Variants in TRMT1 observed in about 807,000 individuals in gnomAD.
The protein encoded by TRMT1 is tRNA (guanine(26)-N(2))-dimethyltransferase.
Under a neutral mutation model 75.4 loss-of-function variants are expected in TRMT1, and 63 were observed. The ratio of observed to expected loss-of-function variants is 0.84; its 90% confidence interval spans 0.68 to 1.03. The LOEUF (loss-of-function observed/expected upper bound fraction) is 1.03. TRMT1 is among the 50% of genes least tolerant of loss of function. The pLI, the probability that TRMT1 is intolerant of heterozygous loss-of-function variation, is 0.00. For synonymous variants in TRMT1, 382 were observed against 358.1 expected, an observed-to-expected ratio of 1.07 and a Z score of -0.75; for missense variants, 870 against 905.3, an observed-to-expected ratio of 0.96 and a Z score of 0.50.
chr19:13,110,328 C>A, intron 7 of TRMT1, 22 bp from the exon 8 acceptor site: 1 of 1,560,118 alleles, frequency 6.4e-7, no homozygotes, highest in South Asian at 1.2e-5. Flanking sequence ...GGGTGGGTGT[C>A]AGCCTCCCCT....
intron 5 of TRMT1, among the ~76,000 whole-genome samples, chr19:13,113,899 T>G (rs113062028): frequency 8.2e-4 from 125 of 152,142 alleles, no homozygotes; most frequent in Non-Finnish European, 1.4e-3. Flanking sequence ...GGTGAGCCAC[T>G]GCGTCTGACC....
At chr19:13,115,843 A>G (rs1215293991) in intron 3 of TRMT1, 75 bp from the exon 4 acceptor site, 2 of 1,607,186 alleles carry the variant, frequency 1.2e-6, no homozygotes, top group Non-Finnish European at 8.5e-7. Context: ...TCTCCAAAAT[A>G]TCGTCCCTGA....
In TRMT1 at chr19:13,107,583, A is replaced by G; in HGVS notation, c.1574T>C (p.Val525Ala). 6.2e-7 allele frequency: 1 copy of G among 1,604,438 alleles called. No individual in the cohort carries two copies. The highest frequency in any genetic ancestry group is 8.5e-7 in the Non-Finnish European group (1 of 1,174,552). ...ETSPAFRILSVEPRLQANFTI... is the reference protein window; with the variant it reads ...ETSPAFRILSAEPRLQANFTI... ...ATGTGCTTGCCCCTACCTGGGCTCCACACTGAGAATGCGGAACGCTGGGCT... is the reference window on the plus strand; with the variant it reads ...ATGTGCTTGCCCCTACCTGGGCTCCGCACTGAGAATGCGGAACGCTGGGCT... Residue 525 changes from valine (V) to alanine (A), a missense_variant, in exon 14 of 17, where the codon GTG becomes GCG. Transcript: ENST00000357720.
intron 5 of TRMT1, among the ~76,000 whole-genome samples, chr19:13,114,708 G>A (rs1229569731): frequency 6.6e-6 from 1 of 151,860 alleles, no homozygotes; most frequent in African/African-American, 2.4e-5. Flanking sequence ...AGGCGTGGTG[G>A]CACGTGCCTG....
Position 13,105,283 on chromosome 19 carries a change from C to A in TRMT1, c.1817G>T (p.Cys606Phe), listed in dbSNP as rs1458177510. The A allele has an allele frequency of 6.2e-7, 1 of 1,613,718 alleles. No homozygotes were observed. Among genetic ancestry groups the A allele is most frequent in the Non-Finnish European group, 8.5e-7 (1 of 1,179,938 alleles). The change falls in exon 16 of 17, where the codon TGC (cysteine) becomes TTC (phenylalanine). Residue 606 changes from cysteine to phenylalanine, a missense_variant. Coordinates refer to ENST00000357720, the MANE Select transcript of TRMT1 (RefSeq NM_001136035.4). Reference sequence around the variant, plus strand: ...GGACCTCACCTCCTTAAACCTCTTGCAAGGAAATGTCTTGAGCCGGGCAGC... The same window carrying A: ...GGACCTCACCTCCTTAAACCTCTTGAAAGGAAATGTCTTGAGCCGGGCAGC... Reference protein sequence around the residue: ...QRAARLKTFPCKRFKEGTCQR... With the variant: ...QRAARLKTFPFKRFKEGTCQR...
rs773394307 is a variant in TRMT1 at position 13,116,056 on chromosome 19, G to A, written c.255-4C>T. 1.9e-6 allele frequency: 3 copies of A among 1,614,046 alleles called. No homozygotes were observed. Among genetic ancestry groups the A allele is most frequent in the Admixed American group, 3.3e-5 (2 of 60,012 alleles). ...AAACTCGGTGATCACAGCACATCTGGTGGGAGACAGAGGACTAGCTCATAC... is the reference window on the plus strand; with the variant it reads ...AAACTCGGTGATCACAGCACATCTGATGGGAGACAGAGGACTAGCTCATAC... On this transcript the variant is annotated splice_polypyrimidine_tract_variant and splice_region_variant and intron_variant, in intron 2 of 16. Coordinates refer to ENST00000357720, the MANE Select transcript of TRMT1 (RefSeq NM_001136035.4).
chr19:13,113,511 T>C (rs920189077), intron 5 of TRMT1, among the ~76,000 whole-genome samples: 14 of 152,162 alleles, frequency 9.2e-5, no homozygotes, highest in Non-Finnish European at 2.9e-5. Flanking sequence ...AAAAGCACCA[T>C]GTGGAACTCA....
At chr19:13,109,156 A>ATATT (rs1293781694) in intron 12 of TRMT1, among the ~76,000 whole-genome samples, 11 of 150,890 alleles carry the variant, frequency 7.3e-5, no homozygotes, top group Non-Finnish European at 1.5e-4. Flanking sequence ...GTGTACATAT[A>ATATT]TATTTATTTA....
intron 14 of TRMT1, among the ~76,000 whole-genome samples, chr19:13,107,133 G>A (rs1434003180): frequency 7.1e-6 from 1 of 141,142 alleles, no homozygotes; most frequent in Non-Finnish European, 1.5e-5. Flanking sequence ...ACCGCACCCA[G>A]CTATTTTTTT....
Position 13,115,651 on chromosome 19 carries a change from G to A in TRMT1, c.428C>T (p.Thr143Ile). 6.2e-7 allele frequency: 1 copy of A among 1,613,980 alleles called. No individual in the cohort carries two copies. Among genetic ancestry groups the A allele is most frequent in the Non-Finnish European group, 8.5e-7 (1 of 1,180,016 alleles). ...CTCACAGATCTCCCCCACGGCCGCT[G>A]TGCGAGGTTGGTCTCCTGAGGCCAG... ...ENLASGDQPR[T>I]AAVGEICEEG... is the part of the protein sequence containing the mutation. The change falls in exon 4 of 17, where the codon ACA (threonine) becomes ATA (isoleucine). Residue 143 changes from threonine to isoleucine, a missense_variant. Thr to Ile is a moderately conservative substitution (Grantham distance 89). Transcript: ENST00000357720.
intron 1 of TRMT1, 61 bp downstream of exon 1, chr19:13,116,592 G>T: frequency 1.3e-6 from 1 of 790,828 alleles, no homozygotes; most frequent in Non-Finnish European, 1.9e-6. Context: ...TGGAGCCGAT[G>T]CCCTCGTGCA....
At chr19:13,114,537 A>G (rs1176255567) in intron 5 of TRMT1, among the ~76,000 whole-genome samples, 1 of 152,228 alleles carries the variant, frequency 6.6e-6, no homozygotes, top group Admixed American at 6.5e-5. Context: ...AGATGTCTGT[A>G]GTCCCAGCTA....
At position 13,116,391 on chromosome 19, in the gene TRMT1, T is replaced by A. The variant is rs752468766; in HGVS notation, c.9A>T (p.Gly3=). Residue 3 remains glycine, a synonymous_variant, in exon 2 of 17, where the codon GGA becomes GGT. Transcript: ENST00000357720. ...AAGTGAGGCTTAGCCACAGAGACGATCCTTGCATGAGACATCCGCTGGCGC... is the reference window on the plus strand; with the variant it reads ...AAGTGAGGCTTAGCCACAGAGACGAACCTTGCATGAGACATCCGCTGGCGC... MQ[G]SSLWLSLTFR... is the part of the protein sequence containing the mutation. The A allele has an allele frequency of 3.1e-6, 5 of 1,601,012 alleles. No homozygotes were observed. Among genetic ancestry groups the A allele is most frequent in the Non-Finnish European group, 4.3e-6 (5 of 1,175,834 alleles).
At chr19:13,109,203 A>G (rs1288594467) in intron 12 of TRMT1, among the ~76,000 whole-genome samples, 178 bp downstream of exon 12, 1 of 151,428 alleles carries the variant, frequency 6.6e-6, no homozygotes, top group African/African-American at 2.4e-5. Context: ...TACGTTGCCC[A>G]GGTTGGCCTC....
At chr19:13,115,933 G>A (rs1599963526) in intron 3 of TRMT1, 64 bp downstream of exon 3, 1 of 1,612,940 alleles carries the variant, frequency 6.2e-7, no homozygotes, top group Non-Finnish European at 8.5e-7. Flanking sequence ...GGCGGCAGAA[G>A]AGCCCAGGCA....
At position 13,115,730 on chromosome 19, in the gene TRMT1, C is replaced by T. The variant is rs766426024; in HGVS notation, c.349G>A (p.Val117Met). The T allele has an allele frequency of 1.2e-6, 2 of 1,614,004 alleles. No homozygotes were observed. The highest frequency in any genetic ancestry group is 1.7e-6 in the Non-Finnish European group (2 of 1,180,046). ...TCCTCCTCTTGCTCTGACAAGTCCACGACCACTTTTTGCGTGTCCTTCTCT... is the reference window on the plus strand; with the variant it reads ...TCCTCCTCTTGCTCTGACAAGTCCATGACCACTTTTTGCGTGTCCTTCTCT... Reference protein sequence around the residue: ...PGEKDTQKVVVDLSEQEEEKV... With the variant: ...PGEKDTQKVVMDLSEQEEEKV... Residue 117 changes from valine to methionine, a missense_variant, in exon 4 of 17, where the codon GTG (valine) becomes ATG (methionine). By Grantham distance (21) the Val-to-Met change is conservative. Transcript: ENST00000357720.
At chr19:13,110,412 TC>T in intron 7 of TRMT1, 106 bp from the exon 8 acceptor site, 1 of 1,331,520 alleles carries the variant, frequency 7.5e-7, no homozygotes, top group Non-Finnish European at 1.0e-6. Context: ...CTCCCTGGGA[TC>T]CAAGCCCACC....
At chr19:13,115,167 C>T in intron 5 of TRMT1, 112 bp downstream of exon 5, 1 of 1,199,036 alleles carries the variant, frequency 8.3e-7, no homozygotes, top group East Asian at 2.5e-5. Context: ...GAAACTGGGG[C>T]TCAAAGAGGC....
In TRMT1 at chr19:13,109,362, CG is replaced by C. The variant is rs2019028001; in HGVS notation, c.1397+18del. On this transcript the variant is annotated intron_variant, in intron 12 of 16. Coordinates refer to ENST00000357720, the MANE Select transcript of TRMT1 (RefSeq NM_001136035.4). ...CCTGTGGTCTGGGACAGGCTCCTCC[CG>C]ACCCCAGGGGCTCTTACCGCAACTG... 2 of 1,611,866 alleles carry C rather than the reference CG, an allele frequency of 1.2e-6. No individual in the cohort carries two copies. Among genetic ancestry groups the C allele is most frequent in the Non-Finnish European group, 1.7e-6 (2 of 1,179,864 alleles).
Sources: allele counts gnomAD v4.1 joint callset (sites outside exome capture counted in the v4.1 genomes callset), GRCh38; gene constraint gnomAD v4.1.1; transcripts MANE v1.5; gene names NCBI Gene and HGNC (gene_info 2026-07-23, HGNC 2026-07-21).